Variants in WDR76 observed in about 807,000 individuals in gnomAD.
WDR76 encodes WD repeat domain 76.
WDR76 carries 52 observed loss-of-function variants against 70.2 expected under a neutral mutation model. The ratio of observed to expected loss-of-function variants is 0.74; its 90% CI spans 0.59 to 0.93. The LOEUF (loss-of-function observed/expected upper bound fraction) is 0.93. Ranked by LOEUF, WDR76 falls within the 40% of genes least tolerant of loss-of-function variation. WDR76 has a pLI of 0.00. For missense variants in WDR76, 756 were observed against 760.2 expected (o/e 0.99, Z 0.07); for synonymous variants, 292 against 271.1 (o/e 1.08, Z -0.76).
At chr15:43,859,391 G>C (rs1026536953) in intron 11 of WDR76, among the ~76,000 whole-genome samples, 1 of 152,214 alleles carries the variant, frequency 6.6e-6, no homozygotes, top group African/African-American at 2.4e-5. Context: ...GGGAACATTA[G>C]TGTAATCACA....
rs985150827 is a variant in WDR76 at position 43,835,188 on chromosome 15, CGG to C, written c.552+40_552+41del. On this transcript the variant is annotated intron_variant, in intron 3 of 12. Coordinates refer to ENST00000263795, the MANE Select transcript of WDR76 (RefSeq NM_024908.4). ...TCTATTTAAAAGCAAGATGCAGGGCCGGGAACAGTGGGTAGCGCCTGTAATCC... is the reference window on the plus strand; with the variant it reads ...TCTATTTAAAAGCAAGATGCAGGGCCGAACAGTGGGTAGCGCCTGTAATCC... 7 of 1,584,088 alleles carry C rather than the reference CGG, an allele frequency of 4.4e-6. No individual in the cohort carries two copies. The African/African-American group carries it at 8.1e-5, about 18-fold the overall frequency.
intron 2 of WDR76, among the ~76,000 whole-genome samples, chr15:43,830,013 CTTTTTT>C (rs113243917): frequency 1.4e-5 from 2 of 139,760 alleles, no homozygotes; most frequent in Admixed American, 7.2e-5. Flanking sequence ...TCTTTCTTTT[CTTTTTT>C]TTTTTTTAAT....
intron 3 of WDR76, among the ~76,000 whole-genome samples, chr15:43,835,681 G>A (rs1468923224): frequency 7.4e-5 from 11 of 148,374 alleles, no homozygotes; most frequent in South Asian, 4.2e-4. Flanking sequence ...TTTTTGAGAC[G>A]GAGTTTTGCT....
At chr15:43,860,009 G>A (rs895547316) in intron 11 of WDR76, among the ~76,000 whole-genome samples, 2 of 152,182 alleles carry the variant, frequency 1.3e-5, no homozygotes, top group East Asian at 1.9e-4. Flanking sequence ...CCAGCATTTC[G>A]GGAGGCTGAG....
At chr15:43,842,291 T>C (rs1289790389) in intron 5 of WDR76, 124 bp from the exon 6 acceptor site, 2 of 725,432 alleles carry the variant, frequency 2.8e-6, no homozygotes, top group Admixed American at 2.8e-5. Flanking sequence ...GTCCATGATA[T>C]GCCACCATTA....
At chr15:43,865,840 A>G (rs548648652) in intron 12 of WDR76, among the ~76,000 whole-genome samples, 4 of 152,354 alleles carry the variant, frequency 2.6e-5, no homozygotes, top group African/African-American at 9.6e-5. Context: ...TGTTAGTGAT[A>G]TTAAGGCAAA....
intron 2 of WDR76, 151 bp from the exon 3 acceptor site, chr15:43,834,910 C>T (rs2141726156): frequency 1.5e-6 from 1 of 676,756 alleles, no homozygotes; most frequent in South Asian, 2.0e-5. Flanking sequence ...TCCAATTCAG[C>T]AAACGTCTGT....
At chr15:43,866,016 G>A in intron 12 of WDR76, 112 bp from the exon 13 acceptor site, 2 of 1,323,594 alleles carry the variant, frequency 1.5e-6, no homozygotes, top group Non-Finnish European at 2.0e-6. Flanking sequence ...TTAATGAGAA[G>A]AAACTTGGCA....
At chr15:43,832,729 AC>A (rs966873594) in intron 2 of WDR76, among the ~76,000 whole-genome samples, 2 of 108,084 alleles carry the variant, frequency 1.9e-5, no homozygotes, top group African/African-American at 6.9e-5. Flanking sequence ...GAGCCATTGC[AC>A]CCGGCTTGCT....
chr15:43,849,451 A>G (rs2087829442), intron 8 of WDR76, among the ~76,000 whole-genome samples: 1 of 152,230 alleles, frequency 6.6e-6, no homozygotes, highest in Non-Finnish European at 1.5e-5. Context: ...ACCATGCTGT[A>G]TATGCCGTTT....
chr15:43,836,133 AT>A, intron 3 of WDR76, 27 bp from the exon 4 acceptor site: 3 of 1,594,058 alleles, frequency 1.9e-6, no homozygotes, highest in Non-Finnish European at 2.6e-6. Context: ...TAGTTATAAC[AT>A]TTTTACATGA....
chr15:43,864,998 C>A (rs28823973), intron 12 of WDR76, among the ~76,000 whole-genome samples: 2 of 152,180 alleles, frequency 1.3e-5, no homozygotes, highest in Non-Finnish European at 2.9e-5. Flanking sequence ...GATCTCAGCT[C>A]GCTGCAACCT....
chr15:43,838,634 T>A (rs1046895503), intron 4 of WDR76, among the ~76,000 whole-genome samples: 3 of 152,252 alleles, frequency 2.0e-5, no homozygotes, highest in Non-Finnish European at 4.4e-5. Flanking sequence ...TGCTTTTAAA[T>A]TTACCCATGT....
At chr15:43,853,910 A>G (rs1176128370) in intron 9 of WDR76, among the ~76,000 whole-genome samples, 1 of 151,680 alleles carries the variant, frequency 6.6e-6, no homozygotes, top group Non-Finnish European at 1.5e-5. Context: ...TCTCAAAAAA[A>G]AAAAACAAAA....
intron 9 of WDR76, among the ~76,000 whole-genome samples, chr15:43,851,772 G>A (rs1239962153): frequency 6.6e-6 from 1 of 152,094 alleles, no homozygotes; most frequent in Non-Finnish European, 1.5e-5. Flanking sequence ...TGTCTCTACA[G>A]AAAATAAAAA....
At position 43,861,401 on chromosome 15, in the gene WDR76, G is replaced by T; in HGVS notation, c.1616+15G>T. On this transcript the variant is annotated intron_variant, in intron 12 of 12. Coordinates refer to ENST00000263795, the MANE Select transcript of WDR76 (RefSeq NM_024908.4). ...ACCACCATCAGGTAGGCTTCTATAT[G>T]CCAAATAATGTAGATGTGGATTACT... 6.2e-7 allele frequency: 1 copy of T among 1,605,650 alleles called. No individual in the cohort carries two copies.
At chr15:43,843,025 T>G (rs1214753348) in intron 7 of WDR76, among the ~76,000 whole-genome samples, 4 of 148,820 alleles carry the variant, frequency 2.7e-5, no homozygotes, top group East Asian at 1.9e-4. Flanking sequence ...TTTTTTTTTT[T>G]TTTTTTTTTG....
chr15:43,858,630 A>G, intron 10 of WDR76, 41 bp from the exon 11 acceptor site: 2 of 1,604,842 alleles, frequency 1.2e-6, no homozygotes, highest in African/African-American at 1.3e-5. Flanking sequence ...GGTTCATTAC[A>G]TGTACTATGG....
intron 2 of WDR76, among the ~76,000 whole-genome samples, chr15:43,831,116 A>G (rs1392581002): frequency 1.3e-5 from 2 of 151,846 alleles, no homozygotes; most frequent in Non-Finnish European, 2.9e-5. Flanking sequence ...CTGTAATCTG[A>G]GCTACTCGGG....
Sources: allele counts gnomAD v4.1 joint callset (sites outside exome capture counted in the v4.1 genomes callset), GRCh38; gene constraint gnomAD v4.1.1; transcripts MANE v1.5; gene names NCBI Gene and HGNC (gene_info 2026-07-23, HGNC 2026-07-21).